The following ARHGEF37 variants were observed in gnomAD, a reference collection of about 807,000 sequenced individuals.
ARHGEF37 encodes Rho guanine nucleotide exchange factor (GEF) 37.
Under a neutral mutation model 71.1 loss-of-function variants are expected in ARHGEF37, and 55 were observed. The observed-to-expected ratio is 0.77, with a 90% CI of 0.62 to 0.97. ARHGEF37 has a LOEUF of 0.97. ARHGEF37 is among the 50% of genes least tolerant of loss of function. The pLI, the probability that ARHGEF37 is intolerant of heterozygous loss-of-function variation, is 0.00. For missense variants in ARHGEF37, 765 were observed against 836.8 expected, an observed-to-expected ratio of 0.91 and a Z score of 1.06; for synonymous variants, 327 against 350.6, an observed-to-expected ratio of 0.93 and a Z score of 0.75.
intron 8 of ARHGEF37, 112 bp from the exon 9 acceptor site, chr5:149,621,621 G>A: frequency 1.0e-6 from 1 of 986,332 alleles, no homozygotes; most frequent in Non-Finnish European, 1.5e-6. Flanking sequence ...GTCCCAGCTA[G>A]TCAGTGGGAG....
chr5:149,598,747 T>TAGATAG, intron 2 of ARHGEF37, among the ~76,000 whole-genome samples: 1 of 73,836 alleles, frequency 1.4e-5, no homozygotes, highest in African/African-American at 5.2e-5. Flanking sequence ...CATATATATA[T>TAGATAG]ATCTATATAT....
chr5:149,571,956 A>G (rs965046997), intron 1 of ARHGEF37, among the ~76,000 whole-genome samples: 11 of 151,386 alleles, frequency 7.3e-5, no homozygotes, highest in African/African-American at 2.2e-4. Flanking sequence ...TTAAAATTAT[A>G]TGAAAGTGCA....
intron 1 of ARHGEF37, among the ~76,000 whole-genome samples, chr5:149,582,218 G>T (rs905166950): frequency 6.6e-6 from 1 of 152,244 alleles, no homozygotes; most frequent in African/African-American, 2.4e-5. Flanking sequence ...ACCTTCTGGG[G>T]GTCCCTGACC....
rs1189929703 is a variant in ARHGEF37 at position 149,624,126 on chromosome 5, C to T, written c.1450C>T (p.Pro484Ser). ...FQETFEKVQP[P>S]PTTQPLLPGS... ...AGAGACCTTTGAGAAAGTGCAGCCA[C>T]CTCCCACCACACAAGTAAGCATCCT... is the stretch of plus-strand genomic sequence containing the variant. The change falls in exon 10 of 13, where the codon CCT becomes TCT. Residue 484 changes from proline to serine, a missense_variant. Pro to Ser is a moderately conservative substitution (Grantham distance 74, BLOSUM62 -1). This residue lies in a region of ARHGEF37 where 390 missense variants were observed against 407.4 expected (regional missense o/e 0.96). Transcript: ENST00000333677. 6 of 1,609,282 alleles carry T rather than the reference C, an allele frequency of 3.7e-6. No homozygotes were observed.
chr5:149,613,822 G>T (rs962839119), intron 4 of ARHGEF37, among the ~76,000 whole-genome samples: 7 of 149,784 alleles, frequency 4.7e-5, no homozygotes, highest in South Asian at 4.2e-4. Flanking sequence ...GGAGTACAGT[G>T]GTGTAATCTC....
In ARHGEF37 at chr5:149,609,666, G is replaced by C; in HGVS notation, c.429G>C (p.Arg143=). The C allele has an allele frequency of 1.2e-6, 2 of 1,612,538 alleles. No homozygotes were observed. Among genetic ancestry groups the C allele is most frequent in the Non-Finnish European group, 1.7e-6 (2 of 1,180,038 alleles). Residue 143 remains arginine, a synonymous_variant, in exon 4 of 13, where the codon CGG becomes CGC. Coordinates refer to ENST00000333677, the MANE Select transcript of ARHGEF37 (RefSeq NM_001001669.3). ...ACCGGAAGGAGCCGGAGCTGCAGCG[G>C]CACATCCAGGGCATCGTTGAGGCGG... ...DTYRKEPELQ[R]HIQGIVEAVV...
chr5:149,569,213 C>G (rs1561783770), intron 1 of ARHGEF37, among the ~76,000 whole-genome samples: 1 of 152,006 alleles, frequency 6.6e-6, no homozygotes, highest in South Asian at 2.1e-4. Flanking sequence ...TTCTACGTGA[C>G]TTTCTGTGGG....
intron 1 of ARHGEF37, among the ~76,000 whole-genome samples, chr5:149,552,847 TA>T (rs1405586833): frequency 1.3e-5 from 2 of 151,650 alleles, no homozygotes; most frequent in African/African-American, 4.9e-5. Context: ...AATAATTAAT[TA>T]AATAGAAATG....
In ARHGEF37 at chr5:149,626,949, G is replaced by A. The variant is rs1752704665; in HGVS notation, c.1465-127G>A. ...GGGCCCTGTTGCCCTGATCAGGGTG[G>A]GCCCTTCAGTGGCAGAGTTAGGATC... is the stretch of plus-strand genomic sequence containing the variant. On this transcript the variant is annotated intron_variant, in intron 10 of 12. Coordinates refer to ENST00000333677, the MANE Select transcript of ARHGEF37 (RefSeq NM_001001669.3). The A allele has an allele frequency of 3.2e-6, 3 of 951,176 alleles. No homozygotes were observed. In the East Asian group the frequency reaches 7.3e-5, roughly 23 times the overall value. The allele number at this position is 951,176 out of a possible 1,614,324, so 58.9% of individuals were successfully genotyped here.
intron 4 of ARHGEF37, among the ~76,000 whole-genome samples, chr5:149,613,403 G>A (rs10059538): frequency 0.26 from 38,435 of 150,590 alleles, 5,324 homozygotes; most frequent in East Asian, 0.48. Context: ...CTGGAGTGCA[G>A]TGGTGCAATC....
At chr5:149,552,574 A>T (rs1460298498) in intron 1 of ARHGEF37, among the ~76,000 whole-genome samples, 1 of 152,226 alleles carries the variant, frequency 6.6e-6, no homozygotes, top group African/African-American at 2.4e-5. Context: ...GCAGTGGCTC[A>T]CGCCTGTAAT....
At chr5:149,595,688 A>T (rs1235483964) in intron 1 of ARHGEF37, among the ~76,000 whole-genome samples, 2 of 152,152 alleles carry the variant, frequency 1.3e-5, no homozygotes, top group African/African-American at 2.4e-5. Flanking sequence ...GGACATGGTT[A>T]TCTGTGGCCT....
At chr5:149,555,672 G>A (rs989769377) in intron 1 of ARHGEF37, among the ~76,000 whole-genome samples, 1 of 151,970 alleles carries the variant, frequency 6.6e-6, no homozygotes, top group Non-Finnish European at 1.5e-5. Flanking sequence ...AAAGTGGCTT[G>A]CCCAAAATCA....
intron 4 of ARHGEF37, among the ~76,000 whole-genome samples, chr5:149,612,721 C>G (rs1042645176): frequency 1.3e-5 from 2 of 152,204 alleles, no homozygotes; most frequent in Non-Finnish European, 2.9e-5. Context: ...TGCAAGACAT[C>G]CAGTGTACCT....
At chr5:149,588,427 G>A (rs905041596) in intron 1 of ARHGEF37, among the ~76,000 whole-genome samples, 2 of 152,142 alleles carry the variant, frequency 1.3e-5, no homozygotes, top group African/African-American at 4.8e-5. Flanking sequence ...CACCCAAGTA[G>A]CTGAGATTAC....
chr5:149,592,222 T>C (rs1049182606), intron 1 of ARHGEF37, among the ~76,000 whole-genome samples: 2 of 152,222 alleles, frequency 1.3e-5, no homozygotes, highest in Admixed American at 6.5e-5. Context: ...ACCACCTCAA[T>C]TAAATTACAG....
chr5:149,558,729 GTGTGTGTGTA>G (rs751266107), intron 1 of ARHGEF37, among the ~76,000 whole-genome samples: 17,731 of 85,176 alleles, frequency 0.21, 1,153 homozygotes, highest in Middle Eastern at 0.24. Context: ...GTGTGTGTGT[GTGTGTGTGTA>G]TATATATTTT....
chr5:149,607,043 G>A (rs1017513732), intron 3 of ARHGEF37, among the ~76,000 whole-genome samples: 1 of 152,102 alleles, frequency 6.6e-6, no homozygotes, highest in Non-Finnish European at 1.5e-5. Context: ...AGCCTCCTGA[G>A]GCACCTGCCA....
chr5:149,566,638 C>T (rs981625347), intron 1 of ARHGEF37, among the ~76,000 whole-genome samples: 1 of 152,006 alleles, frequency 6.6e-6, no homozygotes, highest in African/African-American at 2.4e-5. Context: ...TTAAGACAGG[C>T]TAGTTAACTT....
Sources: allele counts gnomAD v4.1 joint callset (sites outside exome capture counted in the v4.1 genomes callset), GRCh38; gene constraint gnomAD v4.1.1; regional missense constraint gnomAD v4.1.1; transcripts MANE v1.5; gene names NCBI Gene and HGNC (gene_info 2026-07-23, HGNC 2026-07-21).